Variants in SCP2 observed in about 807,000 individuals in gnomAD.
The protein encoded by SCP2 is SCP-2/3-oxoacyl-CoA thiolase.
In SCP2, 48 loss-of-function variants were observed where a neutral mutation model predicts 71.4. That is an observed-to-expected ratio of 0.67 (90% CI 0.53 to 0.86). The LOEUF is 0.86. SCP2 is among the 40% of genes least tolerant of loss of function. SCP2 has a pLI of 0.00. For synonymous variants in SCP2, 220 were observed against 218.1 expected (o/e 1.01, Z -0.08); for missense variants, 560 against 655.6 (o/e 0.85, Z 1.59).
intron 8 of SCP2, 40 bp from the exon 9 acceptor site, chr1:52,978,177 G>T (rs755161170): frequency 6.2e-7 from 1 of 1,601,730 alleles, no homozygotes; most frequent in Non-Finnish European, 8.5e-7. Context: ...CTCCGATCAG[G>T]TGCTACTGGG....
intron 11 of SCP2, among the ~76,000 whole-genome samples, chr1:52,998,510 T>G (rs1660088484): frequency 6.6e-6 from 1 of 152,088 alleles, no homozygotes; most frequent in Admixed American, 6.5e-5. Flanking sequence ...GTAGGGGGAT[T>G]GCTTGAGCCC....
intron 11 of SCP2, among the ~76,000 whole-genome samples, chr1:52,990,387 C>T (rs1383542232): frequency 6.6e-6 from 1 of 151,978 alleles, no homozygotes; most frequent in Non-Finnish European, 1.5e-5. Flanking sequence ...TAGACAAAGA[C>T]TTTAACTAGC....
chr1:52,958,344 C>T (rs887352482), intron 5 of SCP2, among the ~76,000 whole-genome samples: 1 of 151,874 alleles, frequency 6.6e-6, no homozygotes, highest in Non-Finnish European at 1.5e-5. Context: ...GATTCTCCTG[C>T]TTCAACCTCC....
intron 5 of SCP2, among the ~76,000 whole-genome samples, chr1:52,957,293 C>T (rs1309996118): frequency 6.6e-6 from 1 of 152,182 alleles, no homozygotes; most frequent in Non-Finnish European, 1.5e-5. Context: ...ATCTATATCT[C>T]CTGCCATTTT....
At chr1:52,981,720 C>A (rs1460314626) in intron 10 of SCP2, among the ~76,000 whole-genome samples, 1 of 151,278 alleles carries the variant, frequency 6.6e-6, no homozygotes, top group Non-Finnish European at 1.5e-5. Flanking sequence ...GCATGAGCCA[C>A]CTGGCTCACT....
chr1:52,958,760 G>C (rs1459568515), intron 5 of SCP2, among the ~76,000 whole-genome samples: 1 of 151,986 alleles, frequency 6.6e-6, no homozygotes, highest in Non-Finnish European at 1.5e-5. Flanking sequence ...TCCCTATGTT[G>C]CCCAGGCTGG....
At chr1:53,029,308 G>C (rs1486152867) in intron 13 of SCP2, among the ~76,000 whole-genome samples, 1 of 148,498 alleles carries the variant, frequency 6.7e-6, no homozygotes, top group Non-Finnish European at 1.5e-5. Flanking sequence ...TTGTCGCCCA[G>C]AATGGAGTGC....
rs1655664748 is a variant in SCP2 at position 52,954,946 on chromosome 1, G to A, written c.396+142G>A. ...TAATTTTGTTCAAACTGTTTATTTT[G>A]CCAATGATGAAACTGGTGTTCAAGG... On this transcript the variant is annotated intron_variant, in intron 5 of 15. Transcript: ENST00000371514. 4 of 724,016 alleles carry A rather than the reference G, an allele frequency of 5.5e-6. No homozygotes were observed. In the South Asian group the frequency reaches 6.2e-5, roughly 11 times the overall value. The allele number at this position is 724,016 out of a possible 1,614,324, so 44.8% of individuals were successfully genotyped here.
chr1:53,050,753 T>C lies in SCP2; in HGVS notation c.*49T>C. 1 of 1,168,970 alleles carries C rather than the reference T, an allele frequency of 8.6e-7. No individual in the cohort carries two copies. The highest frequency in any genetic ancestry group is 1.3e-6 in the Non-Finnish European group (1 of 776,408). The allele number at this position is 1,168,970 out of a possible 1,614,324, so 72.4% of individuals were successfully genotyped here. A position where few individuals can be genotyped will look rare whatever the true frequency, so the allele number is the denominator to read the frequency against. On this transcript the variant is annotated 3_prime_UTR_variant, in exon 16 of 16. Coordinates refer to ENST00000371514, the MANE Select transcript of SCP2 (RefSeq NM_002979.5). ...AAAATCAAGATGAGATATATAGATA[T>C]ATATCCATACATTTTATTGTCAGAA...
At chr1:52,931,286 G>A (rs1572035529) in intron 1 of SCP2, among the ~76,000 whole-genome samples, 2 of 152,208 alleles carry the variant, frequency 1.3e-5, no homozygotes, top group African/African-American at 4.8e-5. Flanking sequence ...CCTCCCAGCA[G>A]AACTCCAGAA....
At chr1:52,960,788 C>T (rs1030943091) in intron 5 of SCP2, among the ~76,000 whole-genome samples, 1 of 151,154 alleles carries the variant, frequency 6.6e-6, no homozygotes, top group Admixed American at 6.6e-5. Flanking sequence ...CTCACTCTGT[C>T]GCCCAGGCTG....
At chr1:52,960,508 G>A (rs1557561867) in intron 5 of SCP2, among the ~76,000 whole-genome samples, 1,974 of 138,062 alleles carry the variant, frequency 0.014, 39 homozygotes, top group African/African-American at 0.051. Flanking sequence ...GTGTGTGTGT[G>A]TGTGTGTGTG....
chr1:52,973,740 A>G (rs79840136), intron 6 of SCP2, among the ~76,000 whole-genome samples: 9,390 of 152,074 alleles, frequency 0.062, 422 homozygotes, highest in Non-Finnish European at 0.087. Flanking sequence ...TACCTAGCTA[A>G]TTTTTGTGTT....
chr1:52,979,631 T>C (rs191713137), intron 9 of SCP2, among the ~76,000 whole-genome samples: 2 of 152,348 alleles, frequency 1.3e-5, no homozygotes, highest in Admixed American at 1.3e-4. Flanking sequence ...AATTCTCCCA[T>C]ATTTTTCAGT....
At chr1:53,009,699 T>C (rs1245315219) in intron 11 of SCP2, among the ~76,000 whole-genome samples, 1 of 152,152 alleles carries the variant, frequency 6.6e-6, no homozygotes, top group African/African-American at 2.4e-5. Context: ...GGCAATACCA[T>C]TCAGGCCATA....
At chr1:52,994,642 C>A in intron 11 of SCP2, 2 of 468,376 alleles carry the variant, frequency 4.3e-6, no homozygotes, top group Non-Finnish European at 8.1e-6. Context: ...TTTCAGCCTG[C>A]AACTAGCAGA....
rs78569697 is a variant in SCP2 at position 53,048,250 on chromosome 1, C to T, written c.1548+313C>T. The T allele has an allele frequency of 9.4e-3, 3,459 of 368,766 alleles. 125 individuals are homozygous for T. Among genetic ancestry groups the T allele is most frequent in the African/African-American group, 0.067 (3,205 of 47,564 alleles). The allele number at this position is 368,766 out of a possible 1,614,324, so 22.8% of individuals were successfully genotyped here. On this transcript the variant is annotated intron_variant, in intron 15 of 15. Transcript: ENST00000371514. ...AGGATGAAGGCAGGAGCAGCCATATCTCTCTGGGCCATCAGGGAGAGCACC... is the reference window on the plus strand; with the variant it reads ...AGGATGAAGGCAGGAGCAGCCATATTTCTCTGGGCCATCAGGGAGAGCACC...
intron 11 of SCP2, among the ~76,000 whole-genome samples, chr1:53,012,217 A>G (rs1661030703): frequency 6.6e-6 from 1 of 152,234 alleles, no homozygotes; most frequent in Non-Finnish European, 1.5e-5. Flanking sequence ...CACGCCCAGA[A>G]GGAAGGAATG....
At chr1:52,946,835 T>C (rs1238768640) in intron 2 of SCP2, among the ~76,000 whole-genome samples, 1 of 149,642 alleles carries the variant, frequency 6.7e-6, no homozygotes, top group African/African-American at 2.5e-5. Flanking sequence ...GGGAGGTGGA[T>C]CACTTGAGGT....
Sources: gnomAD v4.1 joint callset for allele counts (sites outside exome capture counted in the v4.1 genomes callset) on GRCh38, gnomAD v4.1.1 for gene constraint, MANE v1.5 for transcripts, NCBI Gene and HGNC (gene_info 2026-07-23, HGNC 2026-07-21) for gene names.